The following NEGR1 variants were observed in gnomAD, a reference collection of about 807,000 sequenced individuals.
NEGR1 encodes neuronal growth regulator 1.
A neutral mutation model predicts 40.9 loss-of-function variants in NEGR1; 10 were observed. The observed-to-expected ratio is 0.24, with a 90% CI of 0.15 to 0.42. NEGR1 has a LOEUF of 0.42. Ranked by LOEUF, NEGR1 falls within the 10% of genes least tolerant of loss-of-function variation. NEGR1 has a pLI of 1.00. For missense variants in NEGR1, 352 were observed against 438.9 expected (o/e 0.80, Z 1.77); for synonymous variants, 185 against 166.8 (o/e 1.11, Z -0.84).
At chr1:71,912,272 C>G (rs1008153688) in intron 2 of NEGR1, among the ~76,000 whole-genome samples, 12 of 152,158 alleles carry the variant, frequency 7.9e-5, no homozygotes, top group African/African-American at 1.7e-4. Context: ...CTAGTCTCTT[C>G]CTCCATCTTC....
chr1:72,087,751 C>CTTTTTT (rs1194408394), intron 1 of NEGR1, among the ~76,000 whole-genome samples: 15 of 95,066 alleles, frequency 1.6e-4, no homozygotes, highest in Admixed American at 5.3e-4. Flanking sequence ...TGCCACTGTG[C>CTTTTTT]TTTTTTTTTT....
chr1:72,027,100 C>T (rs1176699855), intron 1 of NEGR1, among the ~76,000 whole-genome samples: 1 of 151,964 alleles, frequency 6.6e-6, no homozygotes, highest in Non-Finnish European at 1.5e-5. Context: ...CAATGTTTTG[C>T]ATTTTTTAGT....
chr1:71,611,254 T>C, intron 4 of NEGR1, 108 bp from the exon 5 acceptor site: 3 of 975,538 alleles, frequency 3.1e-6, no homozygotes, highest in Non-Finnish European at 4.6e-6. Context: ...AGCAATCTTA[T>C]GCCTGATAGA....
At chr1:72,120,797 T>C (rs1300872309) in intron 1 of NEGR1, among the ~76,000 whole-genome samples, 2 of 152,070 alleles carry the variant, frequency 1.3e-5, no homozygotes, top group South Asian at 2.1e-4. Context: ...TTGAGGTCTA[T>C]TATAAATTCA....
At chr1:72,142,429 C>A (rs1650716697) in intron 1 of NEGR1, among the ~76,000 whole-genome samples, 1 of 151,680 alleles carries the variant, frequency 6.6e-6, no homozygotes, top group Admixed American at 6.6e-5. Flanking sequence ...TCCTATATTT[C>A]ATCAAAAAAG....
intron 6 of NEGR1, among the ~76,000 whole-genome samples, chr1:71,540,495 G>A (rs1394984713): frequency 1.3e-5 from 2 of 151,726 alleles, no homozygotes; most frequent in Non-Finnish European, 2.9e-5. Flanking sequence ...TGATTATAGA[G>A]AGGAATGGCT....
intron 1 of NEGR1, among the ~76,000 whole-genome samples, chr1:72,215,984 A>T (rs1417063432): frequency 6.6e-6 from 1 of 152,032 alleles, no homozygotes; most frequent in African/African-American, 2.4e-5. Flanking sequence ...GATAGATGGG[A>T]TTAGGAAATG....
chr1:72,052,031 T>C (rs1433645317), intron 1 of NEGR1, among the ~76,000 whole-genome samples: 1 of 151,476 alleles, frequency 6.6e-6, no homozygotes, highest in East Asian at 1.9e-4. Flanking sequence ...AGTTTCCTGG[T>C]GGCTTGACTA....
intron 2 of NEGR1, among the ~76,000 whole-genome samples, chr1:71,933,122 A>T (rs1645870866): frequency 6.6e-6 from 1 of 152,114 alleles, no homozygotes; most frequent in Non-Finnish European, 1.5e-5. Flanking sequence ...CTGAAGGAAC[A>T]TTCAATAAGT....
intron 6 of NEGR1, among the ~76,000 whole-genome samples, chr1:71,485,804 C>T (rs962185474): frequency 2.0e-5 from 3 of 151,610 alleles, no homozygotes; most frequent in African/African-American, 7.3e-5. Flanking sequence ...ATTCCACCGT[C>T]TTTATATGCC....
At chr1:71,748,106 A>G (rs1655447507) in intron 3 of NEGR1, among the ~76,000 whole-genome samples, 1 of 152,194 alleles carries the variant, frequency 6.6e-6, no homozygotes, top group African/African-American at 2.4e-5. Context: ...GAGAAGACCA[A>G]ATCCCAAAGA....
chr1:71,471,233 A>G (rs1646779965), intron 6 of NEGR1, among the ~76,000 whole-genome samples: 1 of 152,176 alleles, frequency 6.6e-6, no homozygotes, highest in Admixed American at 6.6e-5. Flanking sequence ...TCAGTAAAAC[A>G]TCAATGGTTT....
At chr1:72,039,567 A>G (rs11803665) in intron 1 of NEGR1, among the ~76,000 whole-genome samples, 12,468 of 152,026 alleles carry the variant, frequency 0.082, 524 homozygotes, top group African/African-American at 0.11. Context: ...AGAGAAAAAA[A>G]CAACAAAATT....
intron 3 of NEGR1, among the ~76,000 whole-genome samples, chr1:71,745,434 CT>C (rs35886352): frequency 0.072 from 11,023 of 152,190 alleles, 494 homozygotes; most frequent in East Asian, 0.14. Context: ...AGAAATTCCT[CT>C]TATTAAATAT....
At position 71,535,235 on chromosome 1, in the gene NEGR1, T is replaced by C. The variant is rs1557558392; in HGVS notation, c.940+57582A>G. Among the ~76,000 whole-genome samples, 3 of 151,694 alleles carry C rather than the reference T, an allele frequency of 2.0e-5. No individual in the cohort carries two copies. The South Asian group carries it at 6.2e-4, about 31-fold the overall frequency. On this transcript the variant is annotated intron_variant, in intron 6 of 6. Transcript: ENST00000357731. ...TTTTCTATGTTCCGTAACTTGGACA[T>C]GTGATCTTCAATTTCCTCGACTGTT...
chr1:71,968,293 T>C (rs994023254), intron 1 of NEGR1, among the ~76,000 whole-genome samples: 26 of 152,316 alleles, frequency 1.7e-4, no homozygotes, highest in African/African-American at 6.3e-4. Flanking sequence ...GATGATTTAA[T>C]AGGGAAACAA....
intron 1 of NEGR1, among the ~76,000 whole-genome samples, chr1:72,008,650 C>G (rs946578827): frequency 2.0e-5 from 3 of 152,062 alleles, no homozygotes; most frequent in Admixed American, 2.0e-4. Context: ...ATTGTAAACT[C>G]ACTGAAAGTT....
intron 1 of NEGR1, among the ~76,000 whole-genome samples, chr1:71,949,088 A>G (rs1163918513): frequency 6.6e-6 from 1 of 152,014 alleles, no homozygotes; most frequent in Non-Finnish European, 1.5e-5. Context: ...TTGAATCATA[A>G]CTCTTCCTGT....
chr1:71,907,735 G>A (rs1332557609), intron 2 of NEGR1, among the ~76,000 whole-genome samples: 1 of 152,034 alleles, frequency 6.6e-6, no homozygotes, highest in Non-Finnish European at 1.5e-5. Context: ...TCATAGAAAA[G>A]ACATGAAATC....
Sources: allele counts gnomAD v4.1 joint callset (sites outside exome capture counted in the v4.1 genomes callset), GRCh38; gene constraint gnomAD v4.1.1; transcripts MANE v1.5; gene names NCBI Gene and HGNC (gene_info 2026-07-23, HGNC 2026-07-21).